The following SOX6 variants were observed in gnomAD, a reference collection of about 807,000 sequenced individuals.
SOX6 encodes the protein SRY-box transcription factor 6, also known as transcription factor SOX-6.
A neutral mutation model predicts 97.8 loss-of-function variants in SOX6; 11 were observed. That is an observed-to-expected ratio of 0.11 (90% CI 0.07 to 0.19). The LOEUF is 0.19. Among genes scored for constraint, SOX6 ranks in the 10% least tolerant of loss-of-function variants. The probability of loss-of-function intolerance (pLI) is 1.00; values close to 1 mark genes in which losing one functional copy is unlikely to be tolerated. For missense variants in SOX6, 810 were observed against 1,039.5 expected (o/e 0.78, Z 3.04); for synonymous variants, 360 against 371.4 (o/e 0.97, Z 0.35).
intron 9 of SOX6, among the ~76,000 whole-genome samples, chr11:16,062,474 G>A (rs754223894): frequency 2.2e-4 from 34 of 151,586 alleles, no homozygotes; most frequent in Non-Finnish European, 4.1e-4. Flanking sequence ...AAACATAGTT[G>A]AGGTTTAAAA....
intron 4 of SOX6, among the ~76,000 whole-genome samples, chr11:16,526,014 G>A (rs2133165615): frequency 6.6e-6 from 1 of 152,280 alleles, no homozygotes; most frequent in South Asian, 2.1e-4. Context: ...GGAGAAATAG[G>A]AACACTTTTA....
At position 16,009,270 on chromosome 11, in the gene SOX6, T is replaced by C. The variant is rs144213518; in HGVS notation, c.1732+5672A>G. Among the ~76,000 whole-genome samples, 395 of 152,202 alleles carry C rather than the reference T, an allele frequency of 2.6e-3. 1 individual carries two copies. Among genetic ancestry groups the C allele is most frequent in the African/African-American group, 9.2e-3 (381 of 41,558 alleles). The stretch of plus-strand genomic sequence containing the variant: ...TATTATACTCTAGTTGCCTTGAAGG[T>C]GAATGGTTTCAATTATATAGCAGTA... On this transcript the variant is annotated intron_variant, in intron 13 of 15. Coordinates refer to ENST00000683767, the MANE Select transcript of SOX6 (RefSeq NM_001367873.1).
chr11:16,391,580 C>T (rs1718766219), intron 1 of SOX6, among the ~76,000 whole-genome samples: 1 of 152,080 alleles, frequency 6.6e-6, no homozygotes, highest in African/African-American at 2.4e-5. Flanking sequence ...CCTCCTCAGC[C>T]AGTCATTAAA....
At chr11:16,251,748 T>C (rs920032990) in intron 3 of SOX6, among the ~76,000 whole-genome samples, 1 of 151,504 alleles carries the variant, frequency 6.6e-6, no homozygotes, top group African/African-American at 2.4e-5. Flanking sequence ...ACAGGGACAT[T>C]ATGAAAAAAA....
chr11:16,673,787 G>A (rs769470421), intron 3 of SOX6, among the ~76,000 whole-genome samples: 1 of 152,018 alleles, frequency 6.6e-6, no homozygotes, highest in Non-Finnish European at 1.5e-5. Context: ...ACCAAAACCA[G>A]GCAAAGATAT....
At chr11:16,239,837 CTG>C (rs1853132353) in intron 3 of SOX6, among the ~76,000 whole-genome samples, 1 of 151,982 alleles carries the variant, frequency 6.6e-6, no homozygotes, top group Non-Finnish European at 1.5e-5. Context: ...CAATCTTGTC[CTG>C]GTCCTAATTT....
chr11:16,516,759 A>G (rs1860981031), intron 4 of SOX6, among the ~76,000 whole-genome samples: 1 of 149,778 alleles, frequency 6.7e-6, no homozygotes, highest in Non-Finnish European at 1.5e-5. Flanking sequence ...ACAAGGAGGA[A>G]CTGGTACCAT....
At chr11:16,502,675 A>C (rs34506786) in intron 4 of SOX6, among the ~76,000 whole-genome samples, 28,110 of 152,040 alleles carry the variant, frequency 0.18, 2,679 homozygotes, top group Admixed American at 0.25. Context: ...AAAATAAAGA[A>C]AAAAAGAACT....
intron 3 of SOX6, among the ~76,000 whole-genome samples, chr11:16,682,734 C>G (rs969242158): frequency 2.6e-5 from 4 of 152,176 alleles, no homozygotes; most frequent in African/African-American, 4.8e-5. Context: ...GAAGTTCTGG[C>G]CAGGGCATTC....
intron 6 of SOX6, among the ~76,000 whole-genome samples, chr11:16,159,100 C>T (rs903455706): frequency 1.3e-5 from 2 of 152,058 alleles, no homozygotes; most frequent in Admixed American, 6.6e-5. Flanking sequence ...ACCAATGATA[C>T]TACAGAAATA....
chr11:16,641,840 T>C (rs1323323663), intron 3 of SOX6, among the ~76,000 whole-genome samples: 1 of 152,228 alleles, frequency 6.6e-6, no homozygotes, highest in African/African-American at 2.4e-5. Context: ...AGCACACTGA[T>C]GGGTCTTGAC....
intron 1 of SOX6, among the ~76,000 whole-genome samples, chr11:16,411,904 G>T (rs1349123069): frequency 6.6e-6 from 1 of 152,072 alleles, no homozygotes; most frequent in Non-Finnish European, 1.5e-5. Flanking sequence ...TAATGAAAAG[G>T]ATTAACATAT....
intron 3 of SOX6, among the ~76,000 whole-genome samples, chr11:16,711,492 C>T (rs986869082): frequency 3.9e-5 from 6 of 152,166 alleles, no homozygotes; most frequent in East Asian, 1.9e-4. Flanking sequence ...TACTGCACTC[C>T]AGCCTGGACG....
chr11:15,982,866 A>G (rs532078179), intron 15 of SOX6, among the ~76,000 whole-genome samples: 1 of 152,144 alleles, frequency 6.6e-6, no homozygotes, highest in East Asian at 1.9e-4. Context: ...TAGGTAAATT[A>G]CCAAATAAGT....
intron 3 of SOX6, among the ~76,000 whole-genome samples, chr11:16,648,706 G>A (rs1041648403): frequency 5.3e-5 from 8 of 152,052 alleles, no homozygotes; most frequent in Non-Finnish European, 1.2e-4. Context: ...CTGGTAATAT[G>A]ACAAAATAGG....
intron 4 of SOX6, among the ~76,000 whole-genome samples, chr11:16,199,287 T>C (rs763003409): frequency 2.0e-5 from 3 of 152,162 alleles, no homozygotes; most frequent in Non-Finnish European, 4.4e-5. Flanking sequence ...GAATTTGAAC[T>C]AAAAAACATT....
chr11:16,569,764 G>A (rs1389167602), intron 4 of SOX6, among the ~76,000 whole-genome samples: 2 of 151,068 alleles, frequency 1.3e-5, no homozygotes, highest in East Asian at 2.0e-4. Flanking sequence ...AGCTACTCGG[G>A]AGGCTGAGGC....
intron 2 of SOX6, among the ~76,000 whole-genome samples, chr11:16,729,141 A>T (rs1191192208): frequency 6.6e-6 from 1 of 152,192 alleles, no homozygotes; most frequent in Non-Finnish European, 1.5e-5. Flanking sequence ...AATGGAACCA[A>T]GTTGGAAAAC....
chr11:16,080,877 T>A (rs1848458477), intron 9 of SOX6, among the ~76,000 whole-genome samples: 1 of 152,094 alleles, frequency 6.6e-6, no homozygotes, highest in Non-Finnish European at 1.5e-5. Flanking sequence ...AACTAAAAGT[T>A]TAAAAATAGC....
Sources: gnomAD v4.1 joint callset for allele counts (sites outside exome capture counted in the v4.1 genomes callset) on GRCh38, gnomAD v4.1.1 for gene constraint, MANE v1.5 for transcripts, NCBI Gene and HGNC (gene_info 2026-07-23, HGNC 2026-07-21) for gene names.